METTL25: variants seen among roughly 807,000 people sequenced by gnomAD.
METTL25 encodes the protein probable methyltransferase-like protein 25.
Under a neutral mutation model 71.6 loss-of-function variants are expected in METTL25, and 64 were observed. That is an observed-to-expected ratio of 0.89 (90% CI 0.73 to 1.10). METTL25 has a LOEUF of 1.10. METTL25 is among the 50% of genes least tolerant of loss of function. The pLI is 0.00. For synonymous variants in METTL25, 287 were observed against 250.3 expected, an observed-to-expected ratio of 1.15 and a Z score of -1.38; for missense variants, 807 against 707.0, an observed-to-expected ratio of 1.14 and a Z score of -1.60.
At chr12:82,383,197 C>T (rs1200164233) in intron 1 of METTL25, among the ~76,000 whole-genome samples, 2 of 152,002 alleles carry the variant, frequency 1.3e-5, no homozygotes, top group Non-Finnish European at 2.9e-5. Context: ...CTTTTTGAGA[C>T]GGAGTCTTGG....
intron 5 of METTL25, among the ~76,000 whole-genome samples, chr12:82,407,554 T>C (rs1312164718): frequency 6.6e-6 from 1 of 152,124 alleles, no homozygotes; most frequent in Non-Finnish European, 1.5e-5. Flanking sequence ...GGAAAGCTAA[T>C]AGTAATATCT....
At chr12:82,476,046 T>C (rs1892861046) in intron 9 of METTL25, among the ~76,000 whole-genome samples, 1 of 152,060 alleles carries the variant, frequency 6.6e-6, no homozygotes, top group Non-Finnish European at 1.5e-5. Context: ...ATAAATACAA[T>C]TGACTCAGTA....
intron 5 of METTL25, among the ~76,000 whole-genome samples, chr12:82,424,653 TC>T (rs1302586431): frequency 2.6e-5 from 4 of 151,914 alleles, no homozygotes; most frequent in Non-Finnish European, 4.4e-5. Flanking sequence ...GATAAATACC[TC>T]CCAAAAAGTC....
intron 8 of METTL25, among the ~76,000 whole-genome samples, chr12:82,445,594 C>T (rs1890681478): frequency 6.6e-6 from 1 of 152,080 alleles, no homozygotes; most frequent in Non-Finnish European, 1.5e-5. Flanking sequence ...TTTTCGTTGT[C>T]TTTAGGGCAG....
chr12:82,451,303 A>T, intron 8 of METTL25: 2 of 971,804 alleles, frequency 2.1e-6, no homozygotes, highest in Non-Finnish European at 2.4e-6. Flanking sequence ...GAGAGACAGC[A>T]GCGTGTCACC....
chr12:82,460,044 C>T (rs1266131478), intron 9 of METTL25: 1 of 152,298 alleles, frequency 6.6e-6, no homozygotes, highest in Non-Finnish European at 1.5e-5. Flanking sequence ...CCAATTATGT[C>T]CTAGCCAAGA....
At chr12:82,425,640 T>C (rs887932237) in intron 5 of METTL25, among the ~76,000 whole-genome samples, 3 of 152,048 alleles carry the variant, frequency 2.0e-5, no homozygotes, top group African/African-American at 7.2e-5. Context: ...TTTAGAAAGA[T>C]AATATTGCTC....
In METTL25 at chr12:82,358,791, A is replaced by G. The variant is rs755396180; in HGVS notation, c.226A>G (p.Thr76Ala). ...GGAGACGGAGGCCCTGCCCTCAGAG[A>G]CGCGCCCCCTAGTGGAAGCAGAGTG... The part of the protein sequence containing the change: ...ASETEALPSE[T>A]RPLVEAEWEA... Residue 76 changes from threonine to alanine, a missense_variant, in exon 1 of 12, where the codon ACG becomes GCG. Thr to Ala is a moderately conservative substitution (Grantham distance 58). Coordinates refer to ENST00000248306, the MANE Select transcript of METTL25 (RefSeq NM_032230.3). 3.1e-6 allele frequency: 5 copies of G among 1,612,488 alleles called. No homozygotes were observed. In the African/African-American group the frequency reaches 6.7e-5, roughly 22 times the overall value.
At position 82,411,731 on chromosome 12, in the gene METTL25, T is replaced by C. The variant is rs566961831; in HGVS notation, c.1279+8601T>C. On this transcript the variant is annotated intron_variant, in intron 5 of 11. Coordinates refer to ENST00000248306, the MANE Select transcript of METTL25 (RefSeq NM_032230.3). ...AAACAGAAGAAGGTTAGAGAAAGTT[T>C]ATATTCCATCAACCACTGGAGCAAA... 3.3e-5 allele frequency among the ~76,000 whole-genome samples: 5 copies of C among 152,194 alleles called. No homozygotes were observed. In the South Asian group the frequency reaches 1.0e-3, roughly 32 times the overall value.
chr12:82,391,374 T>A (rs1311089714), intron 3 of METTL25, among the ~76,000 whole-genome samples: 1 of 152,106 alleles, frequency 6.6e-6, no homozygotes, highest in Admixed American at 6.6e-5. Context: ...TTTTTCTTTT[T>A]ATTAAAAATA....
intron 7 of METTL25, among the ~76,000 whole-genome samples, chr12:82,435,773 A>T (rs1224700411): frequency 6.6e-6 from 1 of 151,536 alleles, no homozygotes; most frequent in Admixed American, 6.6e-5. Context: ...TGTCTAACAC[A>T]TAGTAATTGC....
At chr12:82,369,626 G>C (rs1882984616) in intron 1 of METTL25, 3 of 273,444 alleles carry the variant, frequency 1.1e-5, no homozygotes, top group Admixed American at 5.0e-5. Context: ...GATTGATTGT[G>C]AAGAGTGAAA....
chr12:82,402,864 A>G (rs1886755121), intron 4 of METTL25, 119 bp from the exon 5 acceptor site: 2 of 655,242 alleles, frequency 3.1e-6, no homozygotes, highest in African/African-American at 1.9e-5. Context: ...GTGCCTGTGA[A>G]TAGCCACCAC....
intron 5 of METTL25, among the ~76,000 whole-genome samples, chr12:82,419,852 G>T (rs1318849777): frequency 1.3e-5 from 2 of 152,126 alleles, no homozygotes; most frequent in Non-Finnish European, 2.9e-5. Context: ...TCAGCATTCT[G>T]ACTTTTGAGT....
chr12:82,430,989 T>C lies in METTL25; in HGVS notation c.1374+2T>C. On this transcript the variant is annotated splice_donor_variant, in intron 6 of 11. Transcript: ENST00000248306. LOFTEE classifies it high-confidence loss of function. ...AATGCCAGAATGTCAGCATGTTTGG[T>C]ATGGTTATATTTTTTCCTGGAGTAA... 1 of 1,573,182 alleles carries C rather than the reference T, an allele frequency of 6.4e-7. No homozygotes were observed. Among genetic ancestry groups the C allele is most frequent in the Non-Finnish European group, 8.7e-7 (1 of 1,150,836 alleles).
At chr12:82,438,638 T>G in intron 7 of METTL25, 80 bp from the exon 8 acceptor site, 1 of 842,932 alleles carries the variant, frequency 1.2e-6, no homozygotes, top group Non-Finnish European at 1.7e-6. Flanking sequence ...GACAGTCACG[T>G]GTGGTTCCAA....
At chr12:82,359,685 A>AT (rs139489175) in intron 1 of METTL25, among the ~76,000 whole-genome samples, 9,446 of 152,232 alleles carry the variant, frequency 0.062, 341 homozygotes, top group Middle Eastern at 0.12. Flanking sequence ...TGTGTCTTGA[A>AT]TTTTTGTAGG....
At chr12:82,392,716 A>G (rs1405320734) in intron 3 of METTL25, among the ~76,000 whole-genome samples, 2 of 152,056 alleles carry the variant, frequency 1.3e-5, no homozygotes, top group African/African-American at 2.4e-5. Context: ...GCCTAGACCA[A>G]TGTCCTAGAG....
chr12:82,416,322 T>G (rs1357543543), intron 5 of METTL25, among the ~76,000 whole-genome samples: 1 of 152,108 alleles, frequency 6.6e-6, no homozygotes, highest in Admixed American at 6.6e-5. Flanking sequence ...CTTGCCTGCT[T>G]TTAAATTGCC....
Sources: allele counts gnomAD v4.1 joint callset (sites outside exome capture counted in the v4.1 genomes callset), GRCh38; gene constraint gnomAD v4.1.1; transcripts MANE v1.5; gene names NCBI Gene and HGNC (gene_info 2026-07-23, HGNC 2026-07-21).